Variants in DLG2 observed in about 807,000 individuals in gnomAD.
DLG2 encodes the protein discs large MAGUK scaffold protein 2, also known as disks large homolog 2.
Under a neutral mutation model 132.5 loss-of-function variants are expected in DLG2, and 45 were observed. The ratio of observed to expected loss-of-function variants is 0.34; its 90% CI spans 0.27 to 0.44. The LOEUF is 0.44. DLG2 is among the 20% of genes least tolerant of loss of function. DLG2 has a pLI of 1.00. For synonymous variants in DLG2, 424 were observed against 419.6 expected (o/e 1.01, Z -0.13); for missense variants, 1,045 against 1,196.9 (o/e 0.87, Z 1.87).
intron 6 of DLG2, among the ~76,000 whole-genome samples, chr11:85,037,270 A>G (rs2061504289): frequency 6.6e-6 from 1 of 152,186 alleles, no homozygotes; most frequent in South Asian, 2.1e-4. Flanking sequence ...TGGAAAATGT[A>G]TAGGCTTTGT....
intron 3 of DLG2, among the ~76,000 whole-genome samples, chr11:85,486,825 C>G (rs1259372389): frequency 6.6e-6 from 1 of 151,950 alleles, no homozygotes; most frequent in African/African-American, 2.4e-5. Context: ...AAGCAAGCCA[C>G]CTGGGGATCC....
chr11:85,484,509 A>C (rs1339671235), intron 3 of DLG2, among the ~76,000 whole-genome samples: 2 of 151,344 alleles, frequency 1.3e-5, no homozygotes, highest in East Asian at 3.9e-4. Flanking sequence ...TTACAAGAAA[A>C]AAACAAACAA....
At chr11:84,562,691 A>G (rs1043794902) in intron 6 of DLG2, among the ~76,000 whole-genome samples, 1 of 151,872 alleles carries the variant, frequency 6.6e-6, no homozygotes, top group Non-Finnish European at 1.5e-5. Context: ...AATCTTTAAA[A>G]TATATTTCTT....
chr11:84,381,667 A>G (rs1416220902), intron 7 of DLG2, among the ~76,000 whole-genome samples: 4 of 152,216 alleles, frequency 2.6e-5, no homozygotes, highest in Non-Finnish European at 4.4e-5. Context: ...GAAGTTCAAT[A>G]AACTATTTCC....
At chr11:84,520,383 G>A (rs553299257) in intron 7 of DLG2, among the ~76,000 whole-genome samples, 19 of 152,074 alleles carry the variant, frequency 1.2e-4, no homozygotes, top group Middle Eastern at 6.8e-3. Context: ...CCCCTCTCTG[G>A]AAGCACCCCA....
At position 83,633,783 on chromosome 11, in the gene DLG2, A is replaced by ACAC. The variant is rs1566161363; in HGVS notation, c.1826-459_1826-458insGTG. 6.7e-4 allele frequency among the ~76,000 whole-genome samples: 68 copies of ACAC among 102,170 alleles called. 1 individual carries two copies. The highest frequency in any genetic ancestry group is 6.6e-3 in the East Asian group (22 of 3,312). The allele number at this position is 102,170 out of a possible 152,430, so 67.0% of individuals were successfully genotyped here. On this transcript the variant is annotated intron_variant, in intron 18 of 27. Transcript: ENST00000376104. The stretch of plus-strand genomic sequence containing the variant: ...ACACACACACACACACACACACACA[A>ACAC]CTGCGGAAAATCTGAATAATATCGA...
chr11:83,658,405 T>C (rs139026298), intron 18 of DLG2, among the ~76,000 whole-genome samples: 58 of 152,368 alleles, frequency 3.8e-4, no homozygotes, highest in Middle Eastern at 3.4e-3. Flanking sequence ...ATTATGTTAA[T>C]TATATCCAAC....
chr11:84,830,130 AT>A (rs1326425194), intron 6 of DLG2, among the ~76,000 whole-genome samples: 1 of 151,626 alleles, frequency 6.6e-6, no homozygotes, highest in African/African-American at 2.4e-5. Context: ...GCTTAGTGAT[AT>A]TTACTCTTAC....
In DLG2 at chr11:83,912,588, C is replaced by T. The variant is rs141151305; in HGVS notation, c.1496+17740G>A. Reference sequence around the variant, plus strand: ...ACGTTTTAGTTTTTTAAATGAAGCGCGTTAACATAATATCTACTATCTATC... The same window carrying T: ...ACGTTTTAGTTTTTTAAATGAAGCGTGTTAACATAATATCTACTATCTATC... On this transcript the variant is annotated intron_variant, in intron 15 of 27. Coordinates refer to ENST00000376104, the MANE Select transcript of DLG2 (RefSeq NM_001142699.3). Among the ~76,000 whole-genome samples, 319 of 152,014 alleles carry T rather than the reference C, an allele frequency of 2.1e-3. 1 individual carries two copies. Among genetic ancestry groups the T allele is most frequent in the African/African-American group, 7.0e-3 (292 of 41,462 alleles).
chr11:84,521,625 C>T (rs972788507), intron 7 of DLG2, among the ~76,000 whole-genome samples: 5 of 152,058 alleles, frequency 3.3e-5, no homozygotes, highest in African/African-American at 1.2e-4. Flanking sequence ...GTCTGTGCAG[C>T]GCATTATCTA....
intron 19 of DLG2, among the ~76,000 whole-genome samples, chr11:83,542,130 G>T (rs549815692): frequency 4.6e-5 from 7 of 152,134 alleles, no homozygotes; most frequent in African/African-American, 1.4e-4. Flanking sequence ...GATGTTAGAA[G>T]GTGATAATAG....
intron 6 of DLG2, among the ~76,000 whole-genome samples, chr11:84,917,031 T>C (rs1196501817): frequency 1.3e-5 from 2 of 152,254 alleles, no homozygotes; most frequent in East Asian, 3.8e-4. Context: ...CCTTCCATGA[T>C]TTTTTGACTT....
intron 3 of DLG2, among the ~76,000 whole-genome samples, chr11:85,486,125 G>A (rs761168115): frequency 6.0e-5 from 9 of 149,008 alleles, no homozygotes; most frequent in Non-Finnish European, 1.2e-4. Context: ...TTAGTCACTG[G>A]AGGTCTGCAC....
In DLG2 at chr11:83,612,767, T is replaced by G. The variant is rs570091223; in HGVS notation, c.1940+20444A>C. 2.6e-5 allele frequency among the ~76,000 whole-genome samples: 4 copies of G among 152,222 alleles called. No homozygotes were observed. In the East Asian group the frequency reaches 7.7e-4, roughly 29 times the overall value. ...GAATGGGAAGGAGGAAGAGACAGTA[T>G]GCAGATTGAAGAAAGGGCCTGTGCA... On this transcript the variant is annotated intron_variant, in intron 19 of 27. Coordinates refer to ENST00000376104, the MANE Select transcript of DLG2 (RefSeq NM_001142699.3).
At chr11:85,337,282 C>G (rs934543931) in intron 3 of DLG2, among the ~76,000 whole-genome samples, 1 of 152,044 alleles carries the variant, frequency 6.6e-6, no homozygotes, top group Non-Finnish European at 1.5e-5. Context: ...CAATGTCTCT[C>G]TGTATTGCCT....
At position 83,668,736 on chromosome 11, in the gene DLG2, T is replaced by TA. The variant is rs551298394; in HGVS notation, c.1826-35412_1826-35411insT. On this transcript the variant is annotated intron_variant, in intron 18 of 27. Transcript: ENST00000376104. The stretch of plus-strand genomic sequence containing the variant: ...ATATGTGTATATAAACACATATATA[T>TA]GTGTATATAAACACACATATATATG... 3.6e-3 allele frequency among the ~76,000 whole-genome samples: 515 copies of TA among 142,426 alleles called. 4 individuals are homozygous for TA. The highest frequency in any genetic ancestry group is 0.013 in the African/African-American group (495 of 37,914). The allele number at this position is 142,426 out of a possible 152,430, so 93.4% of individuals were successfully genotyped here. A position where few individuals can be genotyped will look rare whatever the true frequency, so the allele number is the denominator to read the frequency against.
At chr11:84,560,943 C>T (rs538943754) in intron 6 of DLG2, among the ~76,000 whole-genome samples, 2 of 152,180 alleles carry the variant, frequency 1.3e-5, no homozygotes, top group East Asian at 1.9e-4. Context: ...CAGCTAGGCA[C>T]TTTGGTAGAT....
chr11:84,338,967 A>T (rs2098501386), intron 7 of DLG2, among the ~76,000 whole-genome samples: 2 of 152,148 alleles, frequency 1.3e-5, no homozygotes, highest in Admixed American at 6.5e-5. Context: ...CATAACAAAC[A>T]TCTCTTATTG....
At position 83,503,319 on chromosome 11, in the gene DLG2, C is replaced by A. The variant is rs576326447; in HGVS notation, c.2194-19091G>T. The stretch of plus-strand genomic sequence containing the variant: ...TATTGGTCAGAGTTCTCTGGAGTGA[C>A]AGAACTAATTAGGATATATATATTT... On this transcript the variant is annotated intron_variant, in intron 21 of 27. Coordinates refer to ENST00000376104, the MANE Select transcript of DLG2 (RefSeq NM_001142699.3). Among the ~76,000 whole-genome samples the A allele has an allele frequency of 9.8e-5, 14 of 142,898 alleles. No individual in the cohort carries two copies. The East Asian group carries it at 2.9e-3, about 30-fold the overall frequency. 93.7% of individuals were successfully genotyped at this position (142,898 alleles called of 152,430 possible).
Sources: gnomAD v4.1 joint callset for allele counts (sites outside exome capture counted in the v4.1 genomes callset) on GRCh38, gnomAD v4.1.1 for gene constraint, MANE v1.5 for transcripts, NCBI Gene and HGNC (gene_info 2026-07-23, HGNC 2026-07-21) for gene names.